Variants in GNB4 observed in about 807,000 individuals in gnomAD.
The protein encoded by GNB4 is G protein subunit beta 4, also known as guanine nucleotide-binding protein subunit beta-4.
GNB4 carries 28 observed loss-of-function variants against 45.2 expected under a neutral mutation model. The ratio of observed to expected loss-of-function variants is 0.62; its 90% CI spans 0.46 to 0.85. The LOEUF (loss-of-function observed/expected upper bound fraction) is 0.85, where lower values mean the gene tolerates loss of function less well. GNB4 is among the 40% of genes least tolerant of loss of function. The pLI is 0.00. For missense variants in GNB4, 321 were observed against 425.4 expected (o/e 0.75, Z 2.16); for synonymous variants, 132 against 143.7 (o/e 0.92, Z 0.58).
the GNB4 span, among the ~76,000 whole-genome samples, chr3:179,465,658 G>A: frequency 6.6e-6 from 1 of 152,018 alleles, no homozygotes; most frequent in Admixed American, 6.5e-5. Flanking sequence ...CATCTGTCTG[G>A]TGTGATATGA....
intron 8 of GNB4, among the ~76,000 whole-genome samples, chr3:179,408,090 T>C (rs140923743): frequency 1.5e-4 from 23 of 152,300 alleles, no homozygotes; most frequent in African/African-American, 5.3e-4. Flanking sequence ...ATAATATTTT[T>C]ATGAATATAA....
the GNB4 span, among the ~76,000 whole-genome samples, chr3:179,462,380 G>C: frequency 6.6e-6 from 1 of 152,134 alleles, no homozygotes. Context: ...TAGTCTGTGT[G>C]CTTGTTTTAT....
intron 5 of GNB4, among the ~76,000 whole-genome samples, 158 bp downstream of exon 5, chr3:179,416,335 A>G (rs1310741838): frequency 6.6e-6 from 1 of 152,242 alleles, no homozygotes; most frequent in Non-Finnish European, 1.5e-5. Flanking sequence ...TTAAACATTA[A>G]AAGTAAACAC....
At chr3:179,509,147 A>T in the GNB4 span, among the ~76,000 whole-genome samples, 1 of 143,330 alleles carries the variant, frequency 7.0e-6, no homozygotes, top group African/African-American at 2.6e-5. Context: ...GGAGGATTCC[A>T]GGTCTATGCA....
intron 7 of GNB4, 48 bp downstream of exon 7, chr3:179,413,667 G>A: frequency 6.2e-7 from 1 of 1,610,082 alleles, no homozygotes; most frequent in Admixed American, 1.7e-5. Flanking sequence ...GTCAGTTCCT[G>A]CTACCACCCT....
At chr3:179,481,135 G>A in the GNB4 span, among the ~76,000 whole-genome samples, 1 of 152,010 alleles carries the variant, frequency 6.6e-6, no homozygotes, top group Non-Finnish European at 1.5e-5. Context: ...ACAGGCGTGA[G>A]CCACTGCGCC....
the GNB4 span, among the ~76,000 whole-genome samples, chr3:179,487,276 C>T: frequency 1.3e-5 from 2 of 152,198 alleles, no homozygotes; most frequent in African/African-American, 4.8e-5. Context: ...AAAGATTATA[C>T]AATCATAGTC....
the GNB4 span, among the ~76,000 whole-genome samples, chr3:179,519,594 C>G: frequency 6.6e-6 from 1 of 152,130 alleles, no homozygotes; most frequent in Non-Finnish European, 1.5e-5. Flanking sequence ...TTTTAGTTAT[C>G]CCCACCTGCC....
At chr3:179,505,127 A>G in the GNB4 span, among the ~76,000 whole-genome samples, 3 of 152,184 alleles carry the variant, frequency 2.0e-5, no homozygotes, top group African/African-American at 7.2e-5. Context: ...GCAACAGTCT[A>G]GGAGAGAAGG....
At chr3:179,434,974 G>T (rs1715405943) in intron 1 of GNB4, among the ~76,000 whole-genome samples, 2 of 151,932 alleles carry the variant, frequency 1.3e-5, no homozygotes, top group South Asian at 4.2e-4. Flanking sequence ...AGTGCTACAG[G>T]AATCAAAGGT....
upstream of GNB4, among the ~76,000 whole-genome samples, chr3:179,454,863 T>C (rs901929231): frequency 2.6e-5 from 4 of 152,158 alleles, no homozygotes; most frequent in Admixed American, 1.3e-4. Flanking sequence ...AAATATTAAA[T>C]GGAAATTATC....
chr3:179,500,223 A>G, the GNB4 span, among the ~76,000 whole-genome samples: 8 of 152,306 alleles, frequency 5.3e-5, no homozygotes, highest in Admixed American at 3.9e-4. Flanking sequence ...TAGGTCTTAC[A>G]TTTAAGTCTT....
At chr3:179,524,071 T>G in the GNB4 span, among the ~76,000 whole-genome samples, 1 of 152,198 alleles carries the variant, frequency 6.6e-6, no homozygotes, top group Non-Finnish European at 1.5e-5. Flanking sequence ...GAAAGTAATG[T>G]GGAGTGGGTA....
chr3:179,517,078 T>C, the GNB4 span, among the ~76,000 whole-genome samples: 1 of 152,158 alleles, frequency 6.6e-6, no homozygotes, highest in Non-Finnish European at 1.5e-5. Context: ...GTGTCAGGCC[T>C]CAGAGCCCAA....
chr3:179,509,167 A>G, the GNB4 span, among the ~76,000 whole-genome samples: 1 of 35,200 alleles, frequency 2.8e-5, no homozygotes, highest in Non-Finnish European at 7.0e-5. Flanking sequence ...ATATATATAC[A>G]TACACACACA....
chr3:179,497,479 A>C, the GNB4 span, among the ~76,000 whole-genome samples: 2 of 152,188 alleles, frequency 1.3e-5, no homozygotes, highest in Non-Finnish European at 2.9e-5. Context: ...AAGCATAGGC[A>C]ACAAAAGCAG....
the GNB4 span, among the ~76,000 whole-genome samples, chr3:179,460,623 AACTCTT>A: frequency 2.2e-4 from 33 of 152,038 alleles, no homozygotes; most frequent in Non-Finnish European, 1.5e-5. Flanking sequence ...TTAAAAACCA[AACTCTT>A]ACTCTTAACT....
chr3:179,498,858 C>A, the GNB4 span, among the ~76,000 whole-genome samples: 1 of 147,810 alleles, frequency 6.8e-6, no homozygotes, highest in African/African-American at 2.5e-5. Context: ...TGGTTGTTTG[C>A]TGCACCCATC....
At chr3:179,505,937 A>C in the GNB4 span, among the ~76,000 whole-genome samples, 5 of 152,250 alleles carry the variant, frequency 3.3e-5, no homozygotes, top group Non-Finnish European at 7.3e-5. Context: ...TAAGCCACTG[A>C]GATTTCGAGG....
Sources: gnomAD v4.1 joint callset for allele counts (sites outside exome capture counted in the v4.1 genomes callset) on GRCh38, gnomAD v4.1.1 for gene constraint, MANE v1.5 for transcripts, NCBI Gene and HGNC (gene_info 2026-07-23, HGNC 2026-07-21) for gene names.